Variants in NTM observed in about 807,000 individuals in gnomAD.
NTM encodes the protein neurotrimin.
In NTM, 13 loss-of-function variants were observed where a neutral mutation model predicts 42.1. The ratio of observed to expected loss-of-function variants is 0.31; its 90% confidence interval spans 0.20 to 0.49. NTM has a LOEUF of 0.49. Among genes scored for constraint, NTM ranks in the 20% least tolerant of loss-of-function variants. The pLI, the probability that NTM is intolerant of heterozygous loss-of-function variation, is 0.99. For missense variants in NTM, 373 were observed against 452.8 expected (o/e 0.82, Z 1.60); for synonymous variants, 187 against 179.2 (o/e 1.04, Z -0.35).
At chr11:131,597,238 C>T (rs1272097894) in intron 1 of NTM, among the ~76,000 whole-genome samples, 1 of 152,146 alleles carries the variant, frequency 6.6e-6, no homozygotes, top group East Asian at 1.9e-4. Flanking sequence ...AACTTAGGGG[C>T]CCCTTTAATG....
At chr11:131,769,701 C>T in intron 1 of NTM, 1 of 344,864 alleles carries the variant, frequency 2.9e-6, no homozygotes, top group Non-Finnish European at 4.1e-6. Context: ...GAGAAGCACA[C>T]AAGGCGGCAC....
At chr11:131,675,783 G>C (rs2071277271) in intron 1 of NTM, among the ~76,000 whole-genome samples, 1 of 152,194 alleles carries the variant, frequency 6.6e-6, no homozygotes, top group Non-Finnish European at 1.5e-5. Context: ...GGTTTTGTGT[G>C]TCGTCTCAGA....
rs549863141 is a variant in NTM at position 131,498,030 on chromosome 11, C to T, written c.82+127142C>T. On this transcript the variant is annotated intron_variant, in intron 1 of 8. Coordinates refer to ENST00000683400, the MANE Select transcript of NTM (RefSeq NM_001352005.2). ...GGGACTAGCTGCGTTAGGAATAAGA[C>T]CTCCTTCCCCTCCCTTGTCAGGTGT... Among the ~76,000 whole-genome samples the T allele has an allele frequency of 7.3e-3, 1,111 of 152,322 alleles. 12 individuals carry two copies. Among genetic ancestry groups the T allele is most frequent in the African/African-American group, 0.025 (1,056 of 41,560 alleles).
chr11:131,885,928 C>T (rs2050318687), intron 1 of NTM, among the ~76,000 whole-genome samples: 1 of 152,174 alleles, frequency 6.6e-6, no homozygotes, highest in South Asian at 2.1e-4. Flanking sequence ...ACTCTGATTT[C>T]TGCCTTGGAA....
intron 1 of NTM, among the ~76,000 whole-genome samples, chr11:131,632,776 G>A (rs958456621): frequency 6.9e-5 from 10 of 144,922 alleles, no homozygotes; most frequent in African/African-American, 1.4e-4. Flanking sequence ...CCGGGTTCAC[G>A]CCATTCTCCT....
intron 1 of NTM, among the ~76,000 whole-genome samples, chr11:131,506,069 A>G (rs1025262767): frequency 6.6e-6 from 1 of 152,014 alleles, no homozygotes; most frequent in African/African-American, 2.4e-5. Flanking sequence ...GATGAGGGGG[A>G]GAGAGAAGAG....
At chr11:131,814,562 AAG>A (rs1435771604) in intron 1 of NTM, among the ~76,000 whole-genome samples, 2 of 152,232 alleles carry the variant, frequency 1.3e-5, no homozygotes, top group Admixed American at 1.3e-4. Flanking sequence ...AAATAAAAGA[AAG>A]AAAATGTATC....
intron 1 of NTM, among the ~76,000 whole-genome samples, chr11:131,815,630 C>T (rs1206941101): frequency 1.3e-5 from 2 of 152,130 alleles, no homozygotes; most frequent in Admixed American, 6.5e-5. Flanking sequence ...CCCCCACTTC[C>T]CCCCTCCTGC....
rs1054035794 is a variant in NTM at position 132,324,483 on chromosome 11, T to C, written c.935-5670T>C. Among the ~76,000 whole-genome samples the C allele has an allele frequency of 1.0e-2, 1,507 of 151,192 alleles. 16 individuals are homozygous for C. The highest frequency in any genetic ancestry group is 0.034 in the African/African-American group (1,402 of 41,378). On this transcript the variant is annotated intron_variant, in intron 7 of 8. Transcript: ENST00000683400. The stretch of plus-strand genomic sequence containing the variant: ...CTTACAAGGGATGTGAAGGACCTCT[T>C]CAAGGAGAACTACAAACCACTGCTC...
chr11:131,813,303 C>T (rs937431754), intron 1 of NTM, among the ~76,000 whole-genome samples: 3 of 152,122 alleles, frequency 2.0e-5, no homozygotes, highest in South Asian at 2.1e-4. Context: ...ATCATTCTTT[C>T]GCACCTTCAA....
At chr11:131,527,863 TAAATC>T (rs139135861) in intron 1 of NTM, among the ~76,000 whole-genome samples, 5,609 of 152,276 alleles carry the variant, frequency 0.037, 349 homozygotes, top group African/African-American at 0.13. Context: ...TGGAAAGCGA[TAAATC>T]AAATAACTAT....
intron 2 of NTM, among the ~76,000 whole-genome samples, chr11:132,069,486 T>C (rs36120658): frequency 0.15 from 5,803 of 38,826 alleles, 367 homozygotes; most frequent in African/African-American, 0.34. Context: ...TTAGTTAACA[T>C]GTCACACAGC....
At chr11:131,953,748 A>G (rs2061274689) in intron 2 of NTM, among the ~76,000 whole-genome samples, 1 of 152,176 alleles carries the variant, frequency 6.6e-6, no homozygotes, top group Non-Finnish European at 1.5e-5. Flanking sequence ...AAGAAGGAGT[A>G]AAGAGAGTGA....
rs58463755 is a variant in NTM at position 131,538,921 on chromosome 11, CTT to C, written c.82+168052_82+168053del. On this transcript the variant is annotated intron_variant, in intron 1 of 8. Transcript: ENST00000683400. ...GAAGGGATTGGGCATGTTAACTTAG[CTT>C]TTTTTTTTTTTTTTTTTTAATTTTT... Among the ~76,000 whole-genome samples, 74 of 102,428 alleles carry C rather than the reference CTT, an allele frequency of 7.2e-4. 1 individual carries two copies. The highest frequency in any genetic ancestry group is 2.1e-3 in the African/African-American group (63 of 29,602). The allele number at this position is 102,428 out of a possible 152,430, so 67.2% of individuals were successfully genotyped here.
intron 2 of NTM, among the ~76,000 whole-genome samples, chr11:131,976,124 C>T (rs535961315): frequency 1.4e-5 from 2 of 142,054 alleles, no homozygotes; most frequent in South Asian, 2.5e-4. Flanking sequence ...TCATTCCTTC[C>T]TTCCTTCCTT....
At chr11:131,758,803 G>A (rs1253582244) in intron 1 of NTM, among the ~76,000 whole-genome samples, 3 of 151,992 alleles carry the variant, frequency 2.0e-5, no homozygotes, top group East Asian at 3.9e-4. Context: ...TGTTGGCCAG[G>A]CTGGTCTCAA....
chr11:131,385,737 G>T (rs1387262876), intron 1 of NTM, among the ~76,000 whole-genome samples: 1 of 151,726 alleles, frequency 6.6e-6, no homozygotes, highest in Non-Finnish European at 1.5e-5. Flanking sequence ...CACACCTGTA[G>T]TCCCATCTAC....
At chr11:131,886,064 C>T (rs1361299954) in intron 1 of NTM, among the ~76,000 whole-genome samples, 1 of 152,142 alleles carries the variant, frequency 6.6e-6, no homozygotes, top group Non-Finnish European at 1.5e-5. Context: ...CTCTCTTCCC[C>T]ACCAGCCCTG....
intron 1 of NTM, among the ~76,000 whole-genome samples, chr11:131,567,477 G>T (rs879713822): frequency 3.3e-5 from 5 of 151,974 alleles, no homozygotes; most frequent in Non-Finnish European, 7.4e-5. Context: ...AATAGAGCAA[G>T]AATCTGTCTG....
Sources: gnomAD v4.1 joint callset for allele counts (sites outside exome capture counted in the v4.1 genomes callset) on GRCh38, gnomAD v4.1.1 for gene constraint, MANE v1.5 for transcripts, NCBI Gene and HGNC (gene_info 2026-07-23, HGNC 2026-07-21) for gene names.